Variants in PLD5 observed in about 807,000 individuals in gnomAD.
PLD5 encodes inactive phospholipase D5.
Under a neutral mutation model 61.1 loss-of-function variants are expected in PLD5, and 36 were observed. That is an observed-to-expected ratio of 0.59 (90% CI 0.45 to 0.78). The LOEUF is 0.78. PLD5 is among the 30% of genes least tolerant of loss of function. The probability of loss-of-function intolerance (pLI) is 0.00; values close to 1 mark genes in which losing one functional copy is unlikely to be tolerated. For synonymous variants in PLD5, 243 were observed against 242.8 expected (o/e 1.00, Z -0.01); for missense variants, 515 against 644.4 (o/e 0.80, Z 2.17).
intron 1 of PLD5, among the ~76,000 whole-genome samples, chr1:242,497,808 T>C (rs1401567391): frequency 6.6e-6 from 1 of 152,224 alleles, no homozygotes; most frequent in Admixed American, 6.5e-5. Context: ...ATATTATGAG[T>C]CAGGCACTAT....
intron 5 of PLD5, among the ~76,000 whole-genome samples, chr1:242,143,345 A>G (rs1481253459): frequency 6.6e-6 from 1 of 152,052 alleles, no homozygotes; most frequent in African/African-American, 2.4e-5. Context: ...GAGCCACTGC[A>G]CCCTGCTAGA....
chr1:242,466,293 GGAGATA>G, intron 1 of PLD5, among the ~76,000 whole-genome samples: 1 of 152,214 alleles, frequency 6.6e-6, no homozygotes, highest in South Asian at 2.1e-4. Context: ...CTGGCATACA[GGAGATA>G]TTCAGTAATA....
At chr1:242,419,540 C>A (rs537883693) in intron 1 of PLD5, among the ~76,000 whole-genome samples, 3 of 149,364 alleles carry the variant, frequency 2.0e-5, no homozygotes, top group African/African-American at 7.4e-5. Flanking sequence ...GGACTACAGG[C>A]GCACACCACT....
At chr1:242,296,436 G>T (rs1442949020) in intron 2 of PLD5, among the ~76,000 whole-genome samples, 1 of 151,976 alleles carries the variant, frequency 6.6e-6, no homozygotes, top group African/African-American at 2.4e-5. Context: ...AGATCATATG[G>T]CTACAATTAA....
At chr1:242,497,076 G>A (rs1177651518) in intron 1 of PLD5, among the ~76,000 whole-genome samples, 1 of 152,176 alleles carries the variant, frequency 6.6e-6, no homozygotes, top group Non-Finnish European at 1.5e-5. Context: ...ACAAATCCAG[G>A]AGCTGCCTAC....
chr1:242,193,013 C>T (rs1250583127), intron 5 of PLD5, among the ~76,000 whole-genome samples: 1 of 152,126 alleles, frequency 6.6e-6, no homozygotes, highest in Non-Finnish European at 1.5e-5. Context: ...GGTCCCAGTA[C>T]CACATCCTCA....
intron 1 of PLD5, among the ~76,000 whole-genome samples, chr1:242,449,894 C>T (rs949892962): frequency 1.3e-5 from 2 of 152,130 alleles, no homozygotes; most frequent in African/African-American, 2.4e-5. Context: ...TACAGCAGCT[C>T]GGTCATCGGT....
intron 1 of PLD5, among the ~76,000 whole-genome samples, chr1:242,393,674 G>GTATATATATGTGTATATATATGAGTA (rs201410753): frequency 4.6e-5 from 3 of 65,414 alleles, no homozygotes; most frequent in African/African-American, 6.3e-5. Flanking sequence ...ATATATATGA[G>GTATATATATGTGTATATATATGAGTA]TATATATGTG....
chr1:242,273,195 T>C (rs1221686083), intron 3 of PLD5, among the ~76,000 whole-genome samples: 3 of 151,710 alleles, frequency 2.0e-5, no homozygotes, highest in Admixed American at 6.6e-5. Context: ...TCTGTTCCTG[T>C]GTTAGTTTGC....
At chr1:242,208,190 A>AT (rs1421389871) in intron 5 of PLD5, among the ~76,000 whole-genome samples, 1 of 151,256 alleles carries the variant, frequency 6.6e-6, no homozygotes, top group Non-Finnish European at 1.5e-5. Flanking sequence ...CCCAGCTAAT[A>AT]AGCAGGATCT....
rs534894438 is a variant in PLD5, at chr1:242,211,603, T to C, written c.735+8385A>G. 2.0e-5 allele frequency among the ~76,000 whole-genome samples: 3 copies of C among 152,276 alleles called. No individual in the cohort carries two copies. In the East Asian group the frequency reaches 5.8e-4, roughly 29 times the overall value. The stretch of plus-strand genomic sequence containing the variant: ...GCCGCCCCCTGGCCTGCTCTTTCAC[T>C]GAGTATCAGTGTCTGAGTACCTGTC... On this transcript the variant is annotated intron_variant, in intron 5 of 9. Coordinates refer to ENST00000536534, the MANE Select transcript of PLD5 (RefSeq NM_001372062.1).
chr1:242,321,564 C>T (rs1296893603), intron 2 of PLD5, among the ~76,000 whole-genome samples: 1 of 152,184 alleles, frequency 6.6e-6, no homozygotes, highest in African/African-American at 2.4e-5. Flanking sequence ...CTTGGCCTCC[C>T]AAAGTGCTGG....
At chr1:242,196,704 GA>G (rs60015884) in intron 5 of PLD5, among the ~76,000 whole-genome samples, 3,280 of 152,150 alleles carry the variant, frequency 0.022, 105 homozygotes, top group African/African-American at 0.064. Flanking sequence ...CACTAACAAA[GA>G]AATACATTTA....
intron 2 of PLD5, among the ~76,000 whole-genome samples, chr1:242,307,172 GAAC>G (rs1394116996): frequency 6.6e-6 from 1 of 152,170 alleles, no homozygotes; most frequent in Non-Finnish European, 1.5e-5. Context: ...ATGAGGAGCT[GAAC>G]AACTTCCAGA....
chr1:242,407,836 C>T (rs1159699281), intron 1 of PLD5, among the ~76,000 whole-genome samples: 1 of 152,098 alleles, frequency 6.6e-6, no homozygotes. Flanking sequence ...CTCAGTCTCC[C>T]AAAGTGCTGG....
Position 242,505,334 on chromosome 1 carries a change from C to G in PLD5, c.189+18754G>C, listed in dbSNP as rs538214491. 3.7e-4 allele frequency among the ~76,000 whole-genome samples: 56 copies of G among 152,178 alleles called. No individual in the cohort carries two copies. The South Asian group carries it at 7.5e-3, about 20-fold the overall frequency. ...TGTAACAGGAAGGTTTAATTAGACC[C>G]CAAGAGTAGATTTCTGAACAAGGAT... On this transcript the variant is annotated intron_variant, in intron 1 of 9. Coordinates refer to ENST00000536534, the MANE Select transcript of PLD5 (RefSeq NM_001372062.1).
intron 5 of PLD5, among the ~76,000 whole-genome samples, chr1:242,180,005 C>T (rs758956157): frequency 2.8e-4 from 42 of 152,144 alleles, no homozygotes; most frequent in Non-Finnish European, 5.6e-4. Context: ...AATATCATCA[C>T]ACTTTCAGTG....
At chr1:242,430,740 A>G (rs1665671722) in intron 1 of PLD5, among the ~76,000 whole-genome samples, 1 of 151,930 alleles carries the variant, frequency 6.6e-6, no homozygotes, top group African/African-American at 2.4e-5. Context: ...CCAACCCTCA[A>G]TTGGGAGCAG....
intron 2 of PLD5, among the ~76,000 whole-genome samples, chr1:242,340,140 T>A (rs1021551312): frequency 7.9e-5 from 12 of 152,238 alleles, no homozygotes; most frequent in African/African-American, 2.9e-4. Context: ...AGTTTTTGTC[T>A]TTATTCTACT....
Sources: allele counts gnomAD v4.1 joint callset (sites outside exome capture counted in the v4.1 genomes callset), GRCh38; gene constraint gnomAD v4.1.1; transcripts MANE v1.5; gene names NCBI Gene and HGNC (gene_info 2026-07-23, HGNC 2026-07-21).